Variants in MTX2 observed in about 807,000 individuals in gnomAD.
MTX2 encodes the protein metaxin 2.
A neutral mutation model predicts 42.3 loss-of-function variants in MTX2; 35 were observed. That is an observed-to-expected ratio of 0.83 (90% CI 0.63 to 1.10). MTX2 has a LOEUF of 1.10. Among genes scored for constraint, MTX2 ranks in the 50% least tolerant of loss-of-function variants. MTX2 has a pLI of 0.00. For synonymous variants in MTX2, 119 were observed against 100.9 expected (o/e 1.18, Z -1.08); for missense variants, 307 against 304.1 (o/e 1.01, Z -0.07).
intron 3 of MTX2, among the ~76,000 whole-genome samples, chr2:176,318,866 A>G (rs1684508115): frequency 6.6e-6 from 1 of 152,230 alleles, no homozygotes; most frequent in Admixed American, 6.5e-5. Flanking sequence ...GTGCTGTTCA[A>G]TAAATACAGT....
intron 5 of MTX2, 123 bp downstream of exon 5, chr2:176,327,024 A>G: frequency 3.8e-6 from 2 of 519,574 alleles, no homozygotes; most frequent in Non-Finnish European, 6.6e-6. Flanking sequence ...ACTACTGGAA[A>G]ATATTTCTGA....
At chr2:176,278,312 A>C (rs1692998132) in intron 1 of MTX2, among the ~76,000 whole-genome samples, 1 of 151,992 alleles carries the variant, frequency 6.6e-6, no homozygotes, top group East Asian at 1.9e-4. Context: ...CAGCCTCCCA[A>C]AGTGCTGGGA....
chr2:176,322,343 A>T (rs949466219), intron 3 of MTX2, among the ~76,000 whole-genome samples: 1 of 152,026 alleles, frequency 6.6e-6, no homozygotes, highest in East Asian at 1.9e-4. Context: ...ATGATAAATA[A>T]TATCCTTGTT....
At chr2:176,302,147 GGC>G (rs1684040816) in intron 3 of MTX2, among the ~76,000 whole-genome samples, 4 of 131,974 alleles carry the variant, frequency 3.0e-5, no homozygotes, top group African/African-American at 1.2e-4. Flanking sequence ...TTTTTTGTAT[GGC>G]TTAATCTAGA....
chr2:176,272,350 G>A (rs1692836039), intron 1 of MTX2, among the ~76,000 whole-genome samples: 1 of 152,102 alleles, frequency 6.6e-6, no homozygotes, highest in African/African-American at 2.4e-5. Context: ...CTATTGCACT[G>A]CAAGGTGACC....
In MTX2 at chr2:176,284,890, T is replaced by A. The variant is rs144392697; in HGVS notation, c.41-11970T>A. ...ACCATCTGCATCAGATTTACCAGGATTGCTTGTTAAAGGTGCAGATTTTTG... is the reference window on the plus strand; with the variant it reads ...ACCATCTGCATCAGATTTACCAGGAATGCTTGTTAAAGGTGCAGATTTTTG... On this transcript the variant is annotated intron_variant, in intron 1 of 9. Transcript: ENST00000249442. Among the ~76,000 whole-genome samples, 4 of 152,322 alleles carry A rather than the reference T, an allele frequency of 2.6e-5. No homozygotes were observed. In the East Asian group the frequency reaches 5.8e-4, roughly 22 times the overall value.
At chr2:176,273,748 C>T (rs934070907) in intron 1 of MTX2, among the ~76,000 whole-genome samples, 3 of 152,148 alleles carry the variant, frequency 2.0e-5, no homozygotes, top group Admixed American at 6.5e-5. Flanking sequence ...CTGTCCATTT[C>T]TACTGCTGTT....
At chr2:176,305,770 G>A (rs1375743182) in intron 3 of MTX2, among the ~76,000 whole-genome samples, 1 of 152,056 alleles carries the variant, frequency 6.6e-6, no homozygotes, top group Non-Finnish European at 1.5e-5. Flanking sequence ...CTAGGTGAGA[G>A]TTTCATTAAG....
chr2:176,306,091 T>C (rs893234347), intron 3 of MTX2, among the ~76,000 whole-genome samples: 3 of 145,086 alleles, frequency 2.1e-5, no homozygotes, highest in African/African-American at 7.6e-5. Flanking sequence ...CAGGCCCCAG[T>C]GTGTGATGTT....
At chr2:176,270,302 T>G in intron 1 of MTX2, 1 of 1,296,920 alleles carries the variant, frequency 7.7e-7, no homozygotes, top group Non-Finnish European at 1.0e-6. Flanking sequence ...TCCCGAGTAG[T>G]TGGGATTACA....
chr2:176,315,382 G>A (rs1684411160), intron 3 of MTX2, among the ~76,000 whole-genome samples: 1 of 152,102 alleles, frequency 6.6e-6, no homozygotes, highest in Admixed American at 6.6e-5. Flanking sequence ...CGAGTTATCA[G>A]CAGAACTTCT....
At chr2:176,314,043 T>G (rs13390012) in intron 3 of MTX2, among the ~76,000 whole-genome samples, 2,114 of 151,894 alleles carry the variant, frequency 0.014, 39 homozygotes, top group African/African-American at 0.047. Context: ...GTGTATTGCT[T>G]CTTCTTTTTT....
chr2:176,278,136 T>C (rs901992436), intron 1 of MTX2, among the ~76,000 whole-genome samples: 21 of 139,560 alleles, frequency 1.5e-4, no homozygotes, highest in Non-Finnish European at 2.4e-4. Flanking sequence ...CTGCAACCTC[T>C]GCCTCCCAGG....
intron 3 of MTX2, among the ~76,000 whole-genome samples, chr2:176,303,243 CTT>C (rs1315063459): frequency 1.3e-5 from 2 of 151,798 alleles, no homozygotes; most frequent in African/African-American, 4.8e-5. Flanking sequence ...ATTGACAAAA[CTT>C]TATTAAAGCC....
chr2:176,270,665 C>T (rs1019194423), intron 1 of MTX2, among the ~76,000 whole-genome samples: 2 of 152,038 alleles, frequency 1.3e-5, no homozygotes, highest in Admixed American at 6.6e-5. Flanking sequence ...TAAAATTTGC[C>T]GGAATGTTTT....
chr2:176,319,163 A>C (rs900420207), intron 3 of MTX2, among the ~76,000 whole-genome samples: 12 of 152,206 alleles, frequency 7.9e-5, no homozygotes, highest in African/African-American at 2.7e-4. Flanking sequence ...TATAATTTGA[A>C]ATACATTTTT....
intron 1 of MTX2, 58 bp from the exon 2 acceptor site, chr2:176,296,802 T>G (rs1020223939): frequency 6.4e-7 from 1 of 1,553,502 alleles, no homozygotes; most frequent in African/African-American, 1.4e-5. Flanking sequence ...ATTAATTTGG[T>G]TTGTTATTGA....
Position 176,296,917 on chromosome 2 carries a change from G to C in MTX2, c.88+10G>C, listed in dbSNP as rs1476071630. 1 of 1,610,906 alleles carries C rather than the reference G, an allele frequency of 6.2e-7. No homozygotes were observed. The highest frequency in any genetic ancestry group is 2.2e-5 in the East Asian group (1 of 44,820). Reference sequence around the variant, plus strand: ...TATCAGCAATTGAAAGGTAAGTCTTGTTCACAATTAAAAATGGCTTTGTAT... The same window carrying C: ...TATCAGCAATTGAAAGGTAAGTCTTCTTCACAATTAAAAATGGCTTTGTAT... On this transcript the variant is annotated intron_variant, in intron 2 of 9. Transcript: ENST00000249442.
At chr2:176,332,855 A>C (rs1684894103) in intron 9 of MTX2, among the ~76,000 whole-genome samples, 1 of 151,486 alleles carries the variant, frequency 6.6e-6, no homozygotes, top group Non-Finnish European at 1.5e-5. Flanking sequence ...AGATGATACT[A>C]TGAAGGTATC....
Sources: gnomAD v4.1 joint callset for allele counts (sites outside exome capture counted in the v4.1 genomes callset) on GRCh38, gnomAD v4.1.1 for gene constraint, MANE v1.5 for transcripts, NCBI Gene and HGNC (gene_info 2026-07-23, HGNC 2026-07-21) for gene names.